PCK2: variants seen among roughly 807,000 people sequenced by gnomAD.
PCK2 encodes the protein phosphoenolpyruvate carboxykinase 2, mitochondrial.
In PCK2, 56 loss-of-function variants were observed where a neutral mutation model predicts 65.9. That is an observed-to-expected ratio of 0.85 (90% CI 0.69 to 1.06). The LOEUF (loss-of-function observed/expected upper bound fraction) is 1.06. PCK2 is among the 50% of genes least tolerant of loss of function. The pLI is 0.00. For missense variants in PCK2, 843 were observed against 863.1 expected, an observed-to-expected ratio of 0.98 and a Z score of 0.29; for synonymous variants, 305 against 319.6, an observed-to-expected ratio of 0.95 and a Z score of 0.49.
At position 24,099,080 on chromosome 14, in the gene PCK2, A is replaced by C; in HGVS notation, c.696A>C (p.Pro232=). ...GEPVSQWPCN[P]EKTLIGHVPD... is the part of the protein sequence containing the mutation. ...CAGTGAGCCAGTGGCCGTGCAACCC[A>C]GAGAAAACCCTGATTGGCCACGTGC... The change falls in exon 5 of 10, where the codon CCA becomes CCC. Residue 232 remains proline (P), a synonymous_variant. Transcript: ENST00000216780. 1.2e-6 allele frequency: 2 copies of C among 1,609,176 alleles called. No individual in the cohort carries two copies. The highest frequency in any genetic ancestry group is 1.7e-6 in the Non-Finnish European group (2 of 1,176,562).
Position 24,099,050 on chromosome 14 carries a change from GGAGCCAGT to G in PCK2, c.676_683del (p.Ser226AlafsTer48), listed in dbSNP as rs1157714162. Reference sequence around the variant, plus strand: ...GCCCCATGACCCCATTGTCCCCAGGGGAGCCAGTGAGCCAGTGGCCGTGCAACCCAGAG... The same window carrying G: ...GCCCCATGACCCCATTGTCCCCAGGGGAGCCAGTGGCCGTGCAACCCAGAG... On this transcript the variant is annotated frameshift_variant and splice_region_variant, in exon 5 of 10. Coordinates refer to ENST00000216780, the MANE Select transcript of PCK2 (RefSeq NM_004563.4). LOFTEE classifies it high-confidence loss of function. 6.3e-7 allele frequency: 1 copy of G among 1,599,014 alleles called. No homozygotes were observed. The highest frequency in any genetic ancestry group is 8.6e-7 in the Non-Finnish European group (1 of 1,168,832).
chr14:24,095,150 C>G (rs1434475585), intron 1 of PCK2: 5 of 456,102 alleles, frequency 1.1e-5, no homozygotes, highest in South Asian at 7.7e-5. Context: ...CAGCTTTTGT[C>G]CCAGAGTCGG....
At chr14:24,102,635 T>A in intron 7 of PCK2, 118 bp from the exon 8 acceptor site, 1 of 817,694 alleles carries the variant, frequency 1.2e-6, no homozygotes. Context: ...CACAAGGTTC[T>A]AGGCAGCTGA....
intron 8 of PCK2, 82 bp downstream of exon 8, chr14:24,102,972 C>A: frequency 7.1e-7 from 1 of 1,407,946 alleles, no homozygotes; most frequent in Non-Finnish European, 9.9e-7. Flanking sequence ...TGATCCAGAG[C>A]CTCAGCCTGG....
chr14:24,099,850 G>A (rs767041804), intron 6 of PCK2, 130 bp downstream of exon 6: 8 of 1,546,358 alleles, frequency 5.2e-6, no homozygotes, highest in Non-Finnish European at 7.1e-6. Flanking sequence ...CATTCCTCTG[G>A]CAGCCCAGCC....
At position 24,094,510 on chromosome 14, in the gene PCK2, C is replaced by G. The variant is rs1041104498; in HGVS notation, c.29+76C>G. ...CCCTCGGGGCTGCCAGTGGCGCTCT[C>G]CTGCTCTCAGCCTCCGCCAGGTTTC... On this transcript the variant is annotated intron_variant, in intron 1 of 9. Transcript: ENST00000216780. The surrounding 1 kb of genome is among the most constrained non-coding windows in gnomAD (Gnocchi z 4.1). 7.5e-6 allele frequency: 11 copies of G among 1,462,814 alleles called. No individual in the cohort carries two copies. Among genetic ancestry groups the G allele is most frequent in the Non-Finnish European group, 9.9e-6 (11 of 1,114,164 alleles). The allele number at this position is 1,462,814 out of a possible 1,614,324, so 90.6% of individuals were successfully genotyped here.
chr14:24,103,192 C>T lies in PCK2; in HGVS notation c.1405C>T (p.Arg469Cys), dbSNP rs141383988. 2.6e-4 allele frequency: 427 copies of T among 1,613,964 alleles called. No individual in the cohort carries two copies. The African/African-American group carries it at 4.9e-3, about 18-fold the overall frequency. Residue 469 changes from arginine to cysteine, a missense_variant, in exon 9 of 10, where the codon CGT (arginine) becomes TGT (cysteine). Coordinates refer to ENST00000216780, the MANE Select transcript of PCK2 (RefSeq NM_004563.4). ...CCTGGTATACGAGGCCTTCAACTGG[C>T]GTCATGGGGTGTTTGTGGGCAGCGC... Reference protein sequence around the residue: ...VPLVYEAFNWRHGVFVGSAMR... With the variant: ...VPLVYEAFNWCHGVFVGSAMR...
Position 24,094,673 on chromosome 14 carries a change from G to A in PCK2, c.29+239G>A, listed in dbSNP as rs958452322. 5.3e-6 allele frequency: 8 copies of A among 1,514,936 alleles called. No individual in the cohort carries two copies. Among genetic ancestry groups the A allele is most frequent in the African/African-American group, 1.4e-5 (1 of 72,572 alleles). The allele number at this position is 1,514,936 out of a possible 1,614,324, so 93.8% of individuals were successfully genotyped here. On this transcript the variant is annotated intron_variant, in intron 1 of 9. Transcript: ENST00000216780. This position sits in a 1 kb window ranked among gnomAD's most constrained non-coding sequence, Gnocchi z 4.1. Reference sequence around the variant, plus strand: ...TTCTCTGCCTCGCTCGCCTCTGACCGCGCGATCTCTATCTGCCACTCTCAG... The same window carrying A: ...TTCTCTGCCTCGCTCGCCTCTGACCACGCGATCTCTATCTGCCACTCTCAG...
At position 24,098,807 on chromosome 14, in the gene PCK2, C is replaced by G. The variant is rs78297859; in HGVS notation, c.664+129C>G. ...GCAACCTAATTCCCAAGATCCAGAG[C>G]AGCAGTCCCAGCAGAGGGATAAGGC... On this transcript the variant is annotated intron_variant, in intron 4 of 9. Coordinates refer to ENST00000216780, the MANE Select transcript of PCK2 (RefSeq NM_004563.4). 356 of 789,642 alleles carry G rather than the reference C, an allele frequency of 4.5e-4. 2 individuals carry two copies. The East Asian group carries it at 8.7e-3, about 19-fold the overall frequency. The allele number at this position is 789,642 out of a possible 1,614,324, so 48.9% of individuals were successfully genotyped here. A position where few individuals can be genotyped will look rare whatever the true frequency, so the allele number is the denominator to read the frequency against.
chr14:24,098,248 C>A lies in PCK2; in HGVS notation c.321C>A (p.Ser107Arg), dbSNP rs1178367495. ...CCAAGGATGTGGCACGAGTAGAGAGCAAGACGGTGATTGTAACTCCTTCTC... is the reference window on the plus strand; with the variant it reads ...CCAAGGATGTGGCACGAGTAGAGAGAAAGACGGTGATTGTAACTCCTTCTC... ...TDPKDVARVE[S>R]KTVIVTPSQR... The change falls in exon 3 of 10, where the codon AGC (serine) becomes AGA (arginine). Residue 107 changes from serine to arginine, a missense_variant. By Grantham distance (110) the Ser-to-Arg change is moderately radical. Transcript: ENST00000216780. 1.9e-6 allele frequency: 3 copies of A among 1,613,920 alleles called. No individual in the cohort carries two copies. The highest frequency in any genetic ancestry group is 2.5e-6 in the Non-Finnish European group (3 of 1,179,880).
In PCK2 at chr14:24,094,490, G is replaced by T; in HGVS notation, c.29+56G>T. Reference sequence around the variant, plus strand: ...CACCTTCCGCTGCGCTCGCCCCCTCGGGGCTGCCAGTGGCGCTCTCCTGCT... The same window carrying T: ...CACCTTCCGCTGCGCTCGCCCCCTCTGGGCTGCCAGTGGCGCTCTCCTGCT... On this transcript the variant is annotated intron_variant, in intron 1 of 9. Coordinates refer to ENST00000216780, the MANE Select transcript of PCK2 (RefSeq NM_004563.4). The surrounding 1 kb of genome is among the most constrained non-coding windows in gnomAD (Gnocchi z 4.1). 6.8e-7 allele frequency: 1 copy of T among 1,479,598 alleles called. No individual in the cohort carries two copies. The highest frequency in any genetic ancestry group is 1.3e-5 in the South Asian group (1 of 75,650). 91.7% of individuals were successfully genotyped at this position (1,479,598 alleles called of 1,614,324 possible). A position where few individuals can be genotyped will look rare whatever the true frequency, so the allele number is the denominator to read the frequency against.
At chr14:24,096,569 G>A (rs896466522) in intron 1 of PCK2, among the ~76,000 whole-genome samples, 1 of 152,136 alleles carries the variant, frequency 6.6e-6, no homozygotes, top group African/African-American at 2.4e-5. Context: ...TGATTAAACA[G>A]TTAAACATGG....
Position 24,103,617 on chromosome 14 carries a change from C to A in PCK2, c.1576C>A (p.Leu526Met), listed in dbSNP as rs1416570163. The change falls in exon 10 of 10, where the codon CTG becomes ATG. Residue 526 changes from leucine (L) to methionine (M), a missense_variant. Coordinates refer to ENST00000216780, the MANE Select transcript of PCK2 (RefSeq NM_004563.4). ...LSMEGRKGAQ[L>M]PRIFHVNWFR... Reference sequence around the variant, plus strand: ...CATGGAAGGGCGCAAGGGGGCCCAGCTGCCCCGTATCTTCCATGTCAACTG... The same window carrying A: ...CATGGAAGGGCGCAAGGGGGCCCAGATGCCCCGTATCTTCCATGTCAACTG... 1.2e-6 allele frequency: 2 copies of A among 1,613,432 alleles called. No individual in the cohort carries two copies. The highest frequency in any genetic ancestry group is 2.7e-5 in the African/African-American group (2 of 74,938).
intron 7 of PCK2, among the ~76,000 whole-genome samples, chr14:24,101,191 A>G (rs1245193875): frequency 2.0e-5 from 3 of 152,020 alleles, no homozygotes; most frequent in African/African-American, 7.3e-5. Context: ...TAGTTCCCCA[A>G]CCCTTTCATC....
chr14:24,101,191 A>C (rs1245193875), intron 7 of PCK2, among the ~76,000 whole-genome samples: 1 of 152,020 alleles, frequency 6.6e-6, no homozygotes, highest in East Asian at 1.9e-4. Context: ...TAGTTCCCCA[A>C]CCCTTTCATC....
chr14:24,095,128 GGCCTCTCTTCTCAGCTTTTGTCCC>G (rs1199169798), intron 1 of PCK2: 2 of 455,998 alleles, frequency 4.4e-6, no homozygotes, highest in Non-Finnish European at 8.8e-6. Context: ...TATTCTCTGA[GGCCTCTCTTCTCAGCTTTTGTCCC>G]AGAGTCGGAA....
chr14:24,101,560 T>C (rs984215504), intron 7 of PCK2, among the ~76,000 whole-genome samples: 4 of 152,234 alleles, frequency 2.6e-5, no homozygotes, highest in African/African-American at 4.8e-5. Flanking sequence ...CTATCTCTAT[T>C]TTTCCAGCCC....
chr14:24,100,414 T>C, intron 7 of PCK2: 5 of 1,201,656 alleles, frequency 4.2e-6, no homozygotes, highest in South Asian at 3.4e-5. Context: ...TCTGGCTAAG[T>C]TGCTCAACTT....
chr14:24,099,875 C>T, intron 6 of PCK2, 120 bp from the exon 7 acceptor site: 1 of 1,585,104 alleles, frequency 6.3e-7, no homozygotes, highest in Non-Finnish European at 8.7e-7. Flanking sequence ...GAGAGACAGC[C>T]TTTCCTCATC....
Sources: gnomAD v4.1 joint callset for allele counts (sites outside exome capture counted in the v4.1 genomes callset) on GRCh38, gnomAD v4.1.1 for gene constraint, Gnocchi (gnomAD v3.1) non-coding constraint, MANE v1.5 for transcripts, NCBI Gene and HGNC (gene_info 2026-07-23, HGNC 2026-07-21) for gene names.